Variants in EBF1 observed in about 807,000 individuals in gnomAD.
EBF1 encodes EBF transcription factor 1, also known as transcription factor COE1.
Under a neutral mutation model 68.4 loss-of-function variants are expected in EBF1, and 10 were observed. The observed-to-expected ratio is 0.15, with a 90% CI of 0.09 to 0.25. The LOEUF is 0.25. Ranked by LOEUF, EBF1 falls within the 10% of genes least tolerant of loss-of-function variation. EBF1 has a pLI of 1.00. For missense variants in EBF1, 509 were observed against 794.4 expected (o/e 0.64, Z 4.32); for synonymous variants, 298 against 299.8 (o/e 0.99, Z 0.06).
chr5:158,715,724 T>C (rs1760531517), intron 11 of EBF1, among the ~76,000 whole-genome samples: 1 of 152,202 alleles, frequency 6.6e-6, no homozygotes. Context: ...TTTGCTGTAG[T>C]AGTGTCTGAC....
At chr5:158,973,121 G>A (rs572517593) in intron 6 of EBF1, among the ~76,000 whole-genome samples, 2 of 152,266 alleles carry the variant, frequency 1.3e-5, no homozygotes, top group South Asian at 2.1e-4. Flanking sequence ...TTGATTGTCT[G>A]TCTCCCTGCC....
At chr5:158,799,881 C>A (rs1410148209) in intron 8 of EBF1, among the ~76,000 whole-genome samples, 1 of 152,058 alleles carries the variant, frequency 6.6e-6, no homozygotes, top group African/African-American at 2.4e-5. Context: ...ATGTTGGAAA[C>A]GAATTCAGTA....
intron 10 of EBF1, among the ~76,000 whole-genome samples, chr5:158,772,903 C>A (rs1276477092): frequency 6.6e-6 from 1 of 152,038 alleles, no homozygotes; most frequent in African/African-American, 2.4e-5. Flanking sequence ...TAAAAACAAC[C>A]CCAGCAAGGT....
chr5:158,968,770 T>A (rs1161103665), intron 6 of EBF1, among the ~76,000 whole-genome samples: 2 of 152,172 alleles, frequency 1.3e-5, no homozygotes, highest in Admixed American at 6.5e-5. Context: ...AACAGGGTAT[T>A]TGTAAATTAT....
chr5:158,998,704 T>C (rs752560479), intron 6 of EBF1, among the ~76,000 whole-genome samples: 27 of 152,188 alleles, frequency 1.8e-4, no homozygotes, highest in Non-Finnish European at 3.8e-4. Context: ...GGAAACTATA[T>C]GTAGAAAACC....
intron 5 of EBF1, among the ~76,000 whole-genome samples, chr5:159,078,097 A>G (rs1057024380): frequency 1.3e-5 from 2 of 152,156 alleles, no homozygotes; most frequent in African/African-American, 4.8e-5. Flanking sequence ...AATCAACCAC[A>G]AGCAGTGGAA....
intron 6 of EBF1, among the ~76,000 whole-genome samples, chr5:158,905,961 C>G (rs551698639): frequency 6.6e-6 from 1 of 152,048 alleles, no homozygotes; most frequent in Non-Finnish European, 1.5e-5. Context: ...GAAACACATG[C>G]CTTCGTTAAC....
At chr5:159,050,174 CTCTCTCT>C (rs1392682573) in intron 6 of EBF1, among the ~76,000 whole-genome samples, 9 of 148,614 alleles carry the variant, frequency 6.1e-5, no homozygotes, top group African/African-American at 2.3e-4. Context: ...CTCTCTCTCT[CTCTCTCT>C]TCTCTCTTTT....
chr5:158,883,076 A>G (rs1799194055), intron 6 of EBF1, among the ~76,000 whole-genome samples: 1 of 151,994 alleles, frequency 6.6e-6, no homozygotes, highest in Non-Finnish European at 1.5e-5. Flanking sequence ...TTTTGATCCT[A>G]TCAGTCTTTT....
At chr5:158,829,752 C>T (rs1371347377) in intron 7 of EBF1, among the ~76,000 whole-genome samples, 3 of 152,102 alleles carry the variant, frequency 2.0e-5, no homozygotes, top group African/African-American at 7.2e-5. Flanking sequence ...TTTGCAGACT[C>T]GTCAAATGTT....
rs573222746 is a variant in EBF1, at chr5:158,794,812, C to T, written c.909+1533G>A. 2.0e-5 allele frequency among the ~76,000 whole-genome samples: 3 copies of T among 152,302 alleles called. No individual in the cohort carries two copies. In the East Asian group the frequency reaches 5.8e-4, roughly 29 times the overall value. ...GGAAGACAGCAGGCTGGCAGCAAAA[C>T]ATGCCATGAATTTGATGCTTCTAAT... is the stretch of plus-strand genomic sequence containing the variant. On this transcript the variant is annotated intron_variant, in intron 9 of 15. Transcript: ENST00000313708.
At chr5:158,949,822 C>G (rs989905528) in intron 6 of EBF1, among the ~76,000 whole-genome samples, 3 of 152,250 alleles carry the variant, frequency 2.0e-5, no homozygotes, top group Non-Finnish European at 4.4e-5. Context: ...TTCCCCTGCT[C>G]TAGTTGTCTC....
At chr5:158,767,737 A>G (rs896432620) in intron 10 of EBF1, among the ~76,000 whole-genome samples, 1 of 152,148 alleles carries the variant, frequency 6.6e-6, no homozygotes, top group Non-Finnish European at 1.5e-5. Flanking sequence ...CAACAGGAGA[A>G]AAGTCAACAA....
At chr5:159,073,272 A>T in intron 6 of EBF1, 124 bp downstream of exon 6, 1 of 945,732 alleles carries the variant, frequency 1.1e-6, no homozygotes, top group Non-Finnish European at 1.7e-6. Flanking sequence ...AGCACAGCGT[A>T]AGTCATGACC....
At chr5:158,736,673 C>A (rs984076152) in intron 10 of EBF1, among the ~76,000 whole-genome samples, 1 of 152,170 alleles carries the variant, frequency 6.6e-6, no homozygotes, top group Non-Finnish European at 1.5e-5. Context: ...AAAGGAGTAA[C>A]AGCAGAGCAT....
At chr5:159,053,694 C>T (rs1163396611) in intron 6 of EBF1, among the ~76,000 whole-genome samples, 1 of 151,962 alleles carries the variant, frequency 6.6e-6, no homozygotes, top group Non-Finnish European at 1.5e-5. Flanking sequence ...TACACCAATA[C>T]AAGCCAGCAG....
At chr5:158,958,583 A>G (rs534904654) in intron 6 of EBF1, among the ~76,000 whole-genome samples, 14 of 152,264 alleles carry the variant, frequency 9.2e-5, no homozygotes, top group Admixed American at 2.6e-4. Context: ...CATGTTTTTC[A>G]TAGGCTATCG....
At chr5:158,963,855 T>C (rs1274144413) in intron 6 of EBF1, among the ~76,000 whole-genome samples, 1 of 152,208 alleles carries the variant, frequency 6.6e-6, no homozygotes, top group African/African-American at 2.4e-5. Flanking sequence ...TTTATTGATT[T>C]CATTCTTGGA....
At chr5:159,011,085 A>G (rs1045160053) in intron 6 of EBF1, among the ~76,000 whole-genome samples, 9 of 152,240 alleles carry the variant, frequency 5.9e-5, no homozygotes, top group African/African-American at 2.2e-4. Flanking sequence ...TTTGAATTGC[A>G]TCAGGGTCAC....
Sources: allele counts gnomAD v4.1 joint callset (sites outside exome capture counted in the v4.1 genomes callset), GRCh38; gene constraint gnomAD v4.1.1; transcripts MANE v1.5; gene names NCBI Gene and HGNC (gene_info 2026-07-23, HGNC 2026-07-21).